Variants in PDZRN4 observed in about 807,000 individuals in gnomAD.
PDZRN4 encodes the protein PDZ domain containing ring finger 4.
In PDZRN4, 70 loss-of-function variants were observed where a neutral mutation model predicts 99.0. The observed-to-expected ratio is 0.71, with a 90% CI of 0.58 to 0.86. The LOEUF (loss-of-function observed/expected upper bound fraction) is 0.86, where lower values mean the gene tolerates loss of function less well. Ranked by LOEUF, PDZRN4 falls within the 40% of genes least tolerant of loss-of-function variation. The pLI is 0.00. For synonymous variants in PDZRN4, 551 were observed against 501.6 expected (o/e 1.10, Z -1.32); for missense variants, 1,474 against 1,331.2 (o/e 1.11, Z -1.67).
intron 3 of PDZRN4, among the ~76,000 whole-genome samples, chr12:41,259,462 CA>C (rs1951223575): frequency 6.6e-6 from 1 of 152,076 alleles, no homozygotes; most frequent in Non-Finnish European, 1.5e-5. Flanking sequence ...TGCATTTTAA[CA>C]AAACTAGCAT....
chr12:41,193,955 C>A (rs1950753672), intron 2 of PDZRN4, 126 bp from the exon 3 acceptor site: 1 of 604,300 alleles, frequency 1.7e-6, no homozygotes, highest in Non-Finnish European at 2.9e-6. Context: ...AAATTCTGTT[C>A]CAAATCCCCA....
At chr12:41,375,410 G>C (rs1952071988) in intron 3 of PDZRN4, among the ~76,000 whole-genome samples, 1 of 152,060 alleles carries the variant, frequency 6.6e-6, no homozygotes, top group Admixed American at 6.6e-5. Flanking sequence ...TTCAAGAGGA[G>C]GGGATCTTGA....
At chr12:41,296,115 C>A (rs1466807168) in intron 3 of PDZRN4, among the ~76,000 whole-genome samples, 2 of 152,122 alleles carry the variant, frequency 1.3e-5, no homozygotes, top group Non-Finnish European at 2.9e-5. Flanking sequence ...AAAAGTTGAG[C>A]AAATTTTCCA....
At chr12:41,526,174 G>A (rs530975523) in intron 5 of PDZRN4, among the ~76,000 whole-genome samples, 1 of 152,266 alleles carries the variant, frequency 6.6e-6, no homozygotes, top group African/African-American at 2.4e-5. Context: ...ACTAAAGCTA[G>A]TTTCCTGTAT....
intron 3 of PDZRN4, among the ~76,000 whole-genome samples, chr12:41,280,534 G>C (rs536631905): frequency 6.6e-6 from 1 of 152,134 alleles, no homozygotes; most frequent in Non-Finnish European, 1.5e-5. Context: ...GCGGGGAGGG[G>C]CGTCCGCATT....
At chr12:41,543,680 G>T (rs559980121) in intron 5 of PDZRN4, among the ~76,000 whole-genome samples, 2 of 152,142 alleles carry the variant, frequency 1.3e-5, no homozygotes, top group Admixed American at 6.5e-5. Context: ...CATTCTCAGG[G>T]TCTATATATT....
At chr12:41,318,696 T>C (rs981671441) in intron 3 of PDZRN4, among the ~76,000 whole-genome samples, 3 of 152,168 alleles carry the variant, frequency 2.0e-5, no homozygotes, top group Admixed American at 6.5e-5. Context: ...GCACACCAGA[T>C]TCTAATGATT....
At chr12:41,271,956 T>C (rs1951316639) in intron 3 of PDZRN4, among the ~76,000 whole-genome samples, 1 of 152,096 alleles carries the variant, frequency 6.6e-6, no homozygotes, top group African/African-American at 2.4e-5. Flanking sequence ...ATTTCAATAC[T>C]GCACAGACAA....
At chr12:41,359,792 T>C (rs1448495171) in intron 3 of PDZRN4, among the ~76,000 whole-genome samples, 2 of 151,984 alleles carry the variant, frequency 1.3e-5, no homozygotes, top group Non-Finnish European at 2.9e-5. Context: ...TATGTCTTTA[T>C]TAGCAGCGTG....
chr12:41,244,842 G>A lies in PDZRN4; in HGVS notation c.843+50654G>A, dbSNP rs527994631. 3.7e-3 allele frequency among the ~76,000 whole-genome samples: 482 copies of A among 130,932 alleles called. 6 individuals carry two copies. The highest frequency in any genetic ancestry group is 0.012 in the African/African-American group (441 of 36,364). 85.9% of individuals were successfully genotyped at this position (130,932 alleles called of 152,430 possible). A position where few individuals can be genotyped will look rare whatever the true frequency, so the allele number is the denominator to read the frequency against. On this transcript the variant is annotated intron_variant, in intron 3 of 9. Transcript: ENST00000402685. ...TGGGACTACAGGCGCCCGCCACCGCGCCCGGCTAATTTTTTGTATTTTTAG... is the reference window on the plus strand; with the variant it reads ...TGGGACTACAGGCGCCCGCCACCGCACCCGGCTAATTTTTTGTATTTTTAG...
At chr12:41,295,729 A>G (rs952859112) in intron 3 of PDZRN4, among the ~76,000 whole-genome samples, 8 of 152,172 alleles carry the variant, frequency 5.3e-5, no homozygotes, top group African/African-American at 1.9e-4. Context: ...GAAGGGTAAG[A>G]CATCAGTTTC....
chr12:41,565,234 T>C (rs1939343944), intron 8 of PDZRN4, among the ~76,000 whole-genome samples: 1 of 152,136 alleles, frequency 6.6e-6, no homozygotes. Context: ...AAGATGGTTG[T>C]CTGACTCCAT....
intron 5 of PDZRN4, among the ~76,000 whole-genome samples, chr12:41,516,386 T>C (rs1938401048): frequency 1.3e-5 from 2 of 152,086 alleles, no homozygotes; most frequent in Non-Finnish European, 1.5e-5. Flanking sequence ...TTGCTGCTAC[T>C]ATTCTTATTT....
chr12:41,413,899 T>G (rs1952419992), intron 3 of PDZRN4, among the ~76,000 whole-genome samples: 2 of 152,158 alleles, frequency 1.3e-5, no homozygotes, highest in Non-Finnish European at 2.9e-5. Flanking sequence ...TGTGGTTATT[T>G]TAAAGAATCT....
In PDZRN4 at chr12:41,249,118, TAC is replaced by T. The variant is rs932305518; in HGVS notation, c.843+54938_843+54939del. ...ATATTCACATGTGCACATGTGTGTA[TAC>T]ACACACATATACACACACAGAGATA... On this transcript the variant is annotated intron_variant, in intron 3 of 9. Coordinates refer to ENST00000402685, the MANE Select transcript of PDZRN4 (RefSeq NM_001164595.2). Among the ~76,000 whole-genome samples the T allele has an allele frequency of 3.9e-5, 6 of 152,174 alleles. No homozygotes were observed. The East Asian group carries it at 5.8e-4, about 15-fold the overall frequency.
chr12:41,536,761 T>TAAA lies in PDZRN4; in HGVS notation c.1204-15885_1204-15883dup, dbSNP rs59008796. ...GAAAAAAATAACATCTATTGAAAAG[T>TAAA]AAAAAAAAAAAACCCTTCTTGATTT... is the stretch of plus-strand genomic sequence containing the variant. On this transcript the variant is annotated intron_variant, in intron 5 of 9. Coordinates refer to ENST00000402685, the MANE Select transcript of PDZRN4 (RefSeq NM_001164595.2). Among the ~76,000 whole-genome samples the TAAA allele has an allele frequency of 3.0e-3, 409 of 137,380 alleles. 4 individuals are homozygous for TAAA. The highest frequency in any genetic ancestry group is 0.01 in the African/African-American group (377 of 36,452). The allele number at this position is 137,380 out of a possible 152,430, so 90.1% of individuals were successfully genotyped here.
At chr12:41,473,281 A>T (rs1453095516) in intron 3 of PDZRN4, 2 of 152,148 alleles carry the variant, frequency 1.3e-5, no homozygotes, top group Admixed American at 6.5e-5. Context: ...AAAGGGGGAG[A>T]TGCAAGGATT....
intron 8 of PDZRN4, among the ~76,000 whole-genome samples, chr12:41,564,396 T>C (rs1380671721): frequency 6.6e-6 from 1 of 152,182 alleles, no homozygotes; most frequent in Non-Finnish European, 1.5e-5. Context: ...ATCCTTTTTA[T>C]CTCCCATCAC....
chr12:41,207,316 A>G (rs1204614642), intron 3 of PDZRN4, among the ~76,000 whole-genome samples: 2 of 151,858 alleles, frequency 1.3e-5, no homozygotes, highest in African/African-American at 4.8e-5. Flanking sequence ...TTAGATTCCC[A>G]GACATACAGC....
Sources: gnomAD v4.1 joint callset for allele counts (sites outside exome capture counted in the v4.1 genomes callset) on GRCh38, gnomAD v4.1.1 for gene constraint, MANE v1.5 for transcripts, NCBI Gene and HGNC (gene_info 2026-07-23, HGNC 2026-07-21) for gene names.